The following ADCYAP1R1 variants were observed in gnomAD, a reference collection of about 807,000 sequenced individuals.
ADCYAP1R1 encodes the protein pituitary adenylate cyclase-activating polypeptide type I receptor.
Under a neutral mutation model 67.6 loss-of-function variants are expected in ADCYAP1R1, and 44 were observed. That is an observed-to-expected ratio of 0.65 (90% CI 0.51 to 0.84). ADCYAP1R1 has a LOEUF of 0.84. Ranked by LOEUF, ADCYAP1R1 falls within the 40% of genes least tolerant of loss-of-function variation. The pLI is 0.00. For synonymous variants in ADCYAP1R1, 222 were observed against 219.6 expected, an observed-to-expected ratio of 1.01 and a Z score of -0.10; for missense variants, 477 against 587.9, an observed-to-expected ratio of 0.81 and a Z score of 1.95.
intron 12 of ADCYAP1R1, among the ~76,000 whole-genome samples, chr7:31,092,418 C>T (rs1344565265): frequency 1.3e-5 from 2 of 151,990 alleles, no homozygotes; most frequent in Non-Finnish European, 2.9e-5. Flanking sequence ...CTCATGATGT[C>T]CTTTCCTATT....
intron 12 of ADCYAP1R1, among the ~76,000 whole-genome samples, chr7:31,090,384 C>T (rs537668789): frequency 5.5e-4 from 84 of 152,034 alleles, no homozygotes; most frequent in Non-Finnish European, 1.1e-3. Context: ...TTACTAAGTA[C>T]CAGGTATTGA....
rs1378232397 is a variant in ADCYAP1R1, at chr7:31,104,848, C to G, written c.1177-20C>G. 1.9e-6 allele frequency: 3 copies of G among 1,613,924 alleles called. No homozygotes were observed. The highest frequency in any genetic ancestry group is 2.2e-5 in the East Asian group (1 of 44,890). On this transcript the variant is annotated intron_variant, in intron 14 of 15. Coordinates refer to ENST00000304166, the MANE Select transcript of ADCYAP1R1 (RefSeq NM_001118.5). ...AAAGTCCTTTGCTAGCATCCTCAGG[C>G]TTATTTTCTCTATTCCCAGGGCTTT...
chr7:31,084,174 A>G lies in ADCYAP1R1; in HGVS notation c.362A>G (p.Asp121Gly), dbSNP rs149008212. Reference sequence around the variant, plus strand: ...GTGGTGAGCCGGAACTGCACGGAGGATGGCTGGTCGGAACCCTTCCCTCAT... The same window carrying G: ...GTGGTGAGCCGGAACTGCACGGAGGGTGGCTGGTCGGAACCCTTCCCTCAT... ...MGVVSRNCTE[D>G]GWSEPFPHYF... The change falls in exon 7 of 16, where the codon GAT becomes GGT. Residue 121 changes from aspartate (D) to glycine (G), a missense_variant. Asp to Gly is a moderately conservative substitution (Grantham distance 94). Transcript: ENST00000304166. 1.3e-4 allele frequency: 204 copies of G among 1,614,078 alleles called. No homozygotes were observed. The African/African-American group carries it at 2.5e-3, about 20-fold the overall frequency.
intron 3 of ADCYAP1R1, among the ~76,000 whole-genome samples, chr7:31,069,136 A>T (rs1332234812): frequency 1.3e-5 from 2 of 152,184 alleles, no homozygotes; most frequent in African/African-American, 2.4e-5. Context: ...CAGGTCTGAG[A>T]ACCACTGGCC....
rs369836619 is a variant in ADCYAP1R1, at chr7:31,080,645, C to G, written c.286+12C>G. On this transcript the variant is annotated intron_variant, in intron 5 of 15. Transcript: ENST00000304166. ...GACCGAAACCATTGGTAAGAGGAAC[C>G]TTGGTGAGGATAGACCGCTGTCTTT... is the stretch of plus-strand genomic sequence containing the variant. 3.9e-5 allele frequency: 63 copies of G among 1,613,628 alleles called. No homozygotes were observed. In the African/African-American group the frequency reaches 8.1e-4, roughly 21 times the overall value.
intron 2 of ADCYAP1R1, among the ~76,000 whole-genome samples, chr7:31,064,600 AGGGAGT>A (rs1311785936): frequency 6.6e-6 from 1 of 152,174 alleles, no homozygotes; most frequent in South Asian, 2.1e-4. Flanking sequence ...AGACCCCAGG[AGGGAGT>A]GGGACCTGTC....
intron 3 of ADCYAP1R1, among the ~76,000 whole-genome samples, chr7:31,075,193 G>A (rs900988690): frequency 1.2e-4 from 18 of 152,108 alleles, no homozygotes; most frequent in African/African-American, 4.3e-4. Flanking sequence ...GAGGCCTCTC[G>A]GGGCAATGGT....
At chr7:31,061,188 C>A (rs1405650027) in intron 1 of ADCYAP1R1, among the ~76,000 whole-genome samples, 1 of 152,242 alleles carries the variant, frequency 6.6e-6, no homozygotes, top group Non-Finnish European at 1.5e-5. Context: ...GGAATCGACG[C>A]CTGATCTTGG....
intron 15 of ADCYAP1R1, among the ~76,000 whole-genome samples, chr7:31,105,449 T>G (rs890146092): frequency 2.6e-5 from 4 of 152,212 alleles, no homozygotes; most frequent in African/African-American, 7.2e-5. Context: ...AACCTTCTAT[T>G]AATACTCCAT....
intron 12 of ADCYAP1R1, among the ~76,000 whole-genome samples, chr7:31,089,423 G>GTTTTTT (rs34984750): frequency 7.8e-6 from 1 of 127,530 alleles, no homozygotes. Flanking sequence ...GCTTGTTTCA[G>GTTTTTT]TTTTTTTTTT....
At chr7:31,057,558 G>C (rs1264177047) in intron 1 of ADCYAP1R1, among the ~76,000 whole-genome samples, 1 of 152,186 alleles carries the variant, frequency 6.6e-6, no homozygotes, top group Non-Finnish European at 1.5e-5. Flanking sequence ...CTGGTGGCCT[G>C]ACTCCTGTCA....
At chr7:31,055,980 T>C (rs1794222738) in intron 1 of ADCYAP1R1, among the ~76,000 whole-genome samples, 1 of 152,220 alleles carries the variant, frequency 6.6e-6, no homozygotes, top group African/African-American at 2.4e-5. Context: ...AAAAACTGAC[T>C]GCTGTCACTT....
Position 31,106,851 on chromosome 7 carries a change from T to C in ADCYAP1R1, c.*167T>C. On this transcript the variant is annotated 3_prime_UTR_variant, in exon 16 of 16. Coordinates refer to ENST00000304166, the MANE Select transcript of ADCYAP1R1 (RefSeq NM_001118.5). ...CAGGGCACAGACTGGAATTGTCCCC[T>C]CCTTGTTTTGGTACTGGTCCCACCC... 1.2e-6 allele frequency: 1 copy of C among 822,904 alleles called. No homozygotes were observed. 51.0% of individuals were successfully genotyped at this position (822,904 alleles called of 1,614,324 possible).
intron 13 of ADCYAP1R1, among the ~76,000 whole-genome samples, chr7:31,101,233 A>G (rs939711995): frequency 6.6e-6 from 1 of 152,090 alleles, no homozygotes; most frequent in African/African-American, 2.4e-5. Flanking sequence ...TGCCCTCACT[A>G]CCATCACTGC....
chr7:31,103,691 G>C (rs1214622498), intron 14 of ADCYAP1R1, among the ~76,000 whole-genome samples: 1 of 152,174 alleles, frequency 6.6e-6, no homozygotes, highest in Admixed American at 6.5e-5. Flanking sequence ...CCTGCCTTCA[G>C]CTTTTTAGGC....
rs777256204 is a variant in ADCYAP1R1, at chr7:31,086,537, G to A, written c.823G>A (p.Gly275Arg). 1 of 1,614,192 alleles carries A rather than the reference G, an allele frequency of 6.2e-7. No homozygotes were observed. The highest frequency in any genetic ancestry group is 8.5e-7 in the Non-Finnish European group (1 of 1,180,034). Residue 275 changes from glycine (G) to arginine (R), a missense_variant and splice_region_variant, in exon 10 of 16, where the codon GGG becomes AGG. By Grantham distance (125) the Gly-to-Arg change is moderately radical (BLOSUM62 -2). Coordinates refer to ENST00000304166, the MANE Select transcript of ADCYAP1R1 (RefSeq NM_001118.5). The surrounding 1 kb of genome is among the most constrained non-coding windows in gnomAD (Gnocchi z 5.0). Reference protein sequence around the residue: ...YFYWYTIIGWGTPTVCVTVWA... With the variant: ...YFYWYTIIGWRTPTVCVTVWA... Reference sequence around the variant, plus strand: ...CTACTGGTACACCATCATTGGCTGGGGTAGGTTCCTGGCTGTGGCTTGGAC... The same window carrying A: ...CTACTGGTACACCATCATTGGCTGGAGTAGGTTCCTGGCTGTGGCTTGGAC...
At chr7:31,062,874 G>C (rs991502493) in intron 1 of ADCYAP1R1, among the ~76,000 whole-genome samples, 1 of 152,240 alleles carries the variant, frequency 6.6e-6, no homozygotes, top group South Asian at 2.1e-4. Flanking sequence ...TCACTGTGGA[G>C]GAGGGGGAAA....
chr7:31,090,764 G>T (rs1241587870), intron 12 of ADCYAP1R1, among the ~76,000 whole-genome samples: 2 of 152,176 alleles, frequency 1.3e-5, no homozygotes, highest in Non-Finnish European at 2.9e-5. Flanking sequence ...TCTTTTTATG[G>T]CTGTGTAGTA....
intron 15 of ADCYAP1R1, among the ~76,000 whole-genome samples, chr7:31,105,412 TG>T (rs1170609524): frequency 6.6e-6 from 1 of 152,212 alleles, no homozygotes; most frequent in African/African-American, 2.4e-5. Flanking sequence ...TGTGAGAATT[TG>T]GAAGAGACCC....
Sources: allele counts gnomAD v4.1 joint callset (sites outside exome capture counted in the v4.1 genomes callset), GRCh38; gene constraint gnomAD v4.1.1; non-coding constraint Gnocchi (gnomAD v3.1); transcripts MANE v1.5; gene names NCBI Gene and HGNC (gene_info 2026-07-23, HGNC 2026-07-21).